The following ZFYVE16 variants were observed in gnomAD, a reference collection of about 807,000 sequenced individuals.
ZFYVE16 encodes the protein zinc finger FYVE-type containing 16.
A neutral mutation model predicts 138.1 loss-of-function variants in ZFYVE16; 89 were observed. The ratio of observed to expected loss-of-function variants is 0.64; its 90% CI spans 0.54 to 0.77. The LOEUF (loss-of-function observed/expected upper bound fraction) is 0.77, where lower values mean the gene tolerates loss of function less well. ZFYVE16 is among the 30% of genes least tolerant of loss of function. The probability of loss-of-function intolerance (pLI) is 0.00; values close to 1 mark genes in which losing one functional copy is unlikely to be tolerated. For missense variants in ZFYVE16, 1,793 were observed against 1,786.7 expected (o/e 1.00, Z -0.06); for synonymous variants, 596 against 618.3 (o/e 0.96, Z 0.53).
Position 80,428,630 on chromosome 5 carries a change from A to G in ZFYVE16, c.-40+1085A>G, listed in dbSNP as rs549943818. Among the ~76,000 whole-genome samples, 6 of 152,322 alleles carry G rather than the reference A, an allele frequency of 3.9e-5. No homozygotes were observed. In the South Asian group the frequency reaches 1.2e-3, roughly 32 times the overall value. On this transcript the variant is annotated intron_variant, in intron 2 of 18. Coordinates refer to ENST00000505560, the MANE Select transcript of ZFYVE16 (RefSeq NM_001284236.3). ...AGAATGACTTTGATGAGTTGAGAGA[A>G]GAAGGCTTCAGACGACCAAACTTCT... is the stretch of plus-strand genomic sequence containing the variant.
At chr5:80,428,680 C>T (rs1748516892) in intron 2 of ZFYVE16, among the ~76,000 whole-genome samples, 1 of 152,178 alleles carries the variant, frequency 6.6e-6, no homozygotes, top group Non-Finnish European at 1.5e-5. Context: ...GAAGTTCGAA[C>T]CCATCGCAAA....
intron 3 of ZFYVE16, 146 bp downstream of exon 3, chr5:80,434,363 G>A (rs1457670251): frequency 1.4e-6 from 1 of 725,088 alleles, no homozygotes; most frequent in African/African-American, 1.8e-5. Flanking sequence ...TTCATAATAA[G>A]ATGTTAGTTG....
intron 1 of ZFYVE16, among the ~76,000 whole-genome samples, chr5:80,412,565 A>G (rs1745608836): frequency 6.6e-6 from 1 of 152,094 alleles, no homozygotes; most frequent in Non-Finnish European, 1.5e-5. Context: ...TACAAATTAT[A>G]TTATCTTTTT....
intron 1 of ZFYVE16, chr5:80,410,461 A>C (rs912865456): frequency 6.6e-6 from 1 of 152,202 alleles, no homozygotes; most frequent in African/African-American, 2.4e-5. Context: ...TAATTTTCAT[A>C]ATCTTACTAG....
rs959502024 is a variant in ZFYVE16, at chr5:80,478,716, C to G, written c.*1339C>G. On this transcript the variant is annotated 3_prime_UTR_variant, in exon 19 of 19. Coordinates refer to ENST00000505560, the MANE Select transcript of ZFYVE16 (RefSeq NM_001284236.3). ...TGAAGATCAAGTCAAAGTTATAACT[C>G]AGGATCTGAGGTCTCAAGCTAGGAG... 2.6e-5 allele frequency: 4 copies of G among 152,018 alleles called. No homozygotes were observed. Among genetic ancestry groups the G allele is most frequent in the Admixed American group, 6.6e-5 (1 of 15,258 alleles). The allele number at this position is 152,018 out of a possible 1,614,324, so 9.4% of individuals were successfully genotyped here.
In ZFYVE16 at chr5:80,436,747, C is replaced by G. The variant is rs557081698; in HGVS notation, c.71-9C>G. The stretch of plus-strand genomic sequence containing the variant: ...AAGTCTCCCGAATAACACTGTTTCT[C>G]TATTTCAGATGAACAAGATTATCTC... On this transcript the variant is annotated splice_polypyrimidine_tract_variant and intron_variant, in intron 3 of 18. Coordinates refer to ENST00000505560, the MANE Select transcript of ZFYVE16 (RefSeq NM_001284236.3). The G allele has an allele frequency of 2.9e-5, 47 of 1,594,990 alleles. No homozygotes were observed. In the South Asian group the frequency reaches 4.7e-4, roughly 16 times the overall value.
chr5:80,447,528 G>A (rs2112437670), intron 7 of ZFYVE16, among the ~76,000 whole-genome samples: 1 of 152,202 alleles, frequency 6.6e-6, no homozygotes, highest in East Asian at 1.9e-4. Flanking sequence ...AAAAGAAAAA[G>A]GCTTTATTGA....
intron 1 of ZFYVE16, among the ~76,000 whole-genome samples, chr5:80,409,008 A>G (rs1405040197): frequency 1.3e-5 from 2 of 152,154 alleles, no homozygotes; most frequent in Non-Finnish European, 2.9e-5. Context: ...TCTCCTGGAT[A>G]TTAAACCGCA....
chr5:80,455,839 G>A, intron 12 of ZFYVE16, 65 bp downstream of exon 12: 1 of 1,321,866 alleles, frequency 7.6e-7, no homozygotes, highest in Non-Finnish European at 1.0e-6. Context: ...ATTTAGCAAA[G>A]TTTATACATT....
rs146651073 is a variant in ZFYVE16, at chr5:80,440,149, T to C, written c.2419+117T>C. The C allele has an allele frequency of 2.9e-6, 4 of 1,360,986 alleles. No homozygotes were observed. The African/African-American group carries it at 4.5e-5, about 15-fold the overall frequency. 84.3% of individuals were successfully genotyped at this position (1,360,986 alleles called of 1,614,324 possible). ...AAGGCAAGGACCTAGTGTTGAATTATCTGGCTTAGGTGGGACATCCCAAGG... is the reference window on the plus strand; with the variant it reads ...AAGGCAAGGACCTAGTGTTGAATTACCTGGCTTAGGTGGGACATCCCAAGG... On this transcript the variant is annotated intron_variant, in intron 5 of 18. Coordinates refer to ENST00000505560, the MANE Select transcript of ZFYVE16 (RefSeq NM_001284236.3).
chr5:80,445,454 G>A (rs761949941), intron 7 of ZFYVE16, 49 bp downstream of exon 7: 17 of 1,534,968 alleles, frequency 1.1e-5, no homozygotes, highest in East Asian at 2.3e-5. Context: ...ATTTTATTTC[G>A]TAGATAATTC....
intron 15 of ZFYVE16, among the ~76,000 whole-genome samples, chr5:80,467,638 TGAA>T (rs1753881258): frequency 1.3e-5 from 2 of 152,196 alleles, no homozygotes; most frequent in South Asian, 4.1e-4. Context: ...ACAAACTCTG[TGAA>T]GAAGACAAAA....
Position 80,437,543 on chromosome 5 carries a change from C to A in ZFYVE16, c.858C>A (p.Val286=). ...GLVKEEVDVA[V]ITAAECLKEE... ...TAAAAGAGGAAGTAGATGTGGCAGT[C>A]ATAACTGCCGCAGAATGTTTAAAAG... is the stretch of plus-strand genomic sequence containing the variant. Residue 286 remains valine (V), a synonymous_variant, in exon 4 of 19, where the codon GTC becomes GTA. Transcript: ENST00000505560. 6.2e-7 allele frequency: 1 copy of A among 1,613,970 alleles called. No individual in the cohort carries two copies. Among genetic ancestry groups the A allele is most frequent in the South Asian group, 1.1e-5 (1 of 91,032 alleles).
chr5:80,450,336 A>C (rs1751850232), intron 9 of ZFYVE16, 95 bp from the exon 10 acceptor site: 1 of 1,255,016 alleles, frequency 8.0e-7, no homozygotes, highest in Admixed American at 2.4e-5. Flanking sequence ...GAACACAAGG[A>C]ATTTGAAAAG....
Position 80,456,442 on chromosome 5 carries a change from A to G in ZFYVE16, c.3691-19A>G, listed in dbSNP as rs1011595621. 5.8e-6 allele frequency: 9 copies of G among 1,557,044 alleles called. No homozygotes were observed. In the East Asian group the frequency reaches 1.6e-4, roughly 27 times the overall value. On this transcript the variant is annotated intron_variant, in intron 12 of 18. Transcript: ENST00000505560. ...TACTCATGGTTAGTAGTTTATGGTA[A>G]TGCAATTATTCTATGTAGGACCTTC...
chr5:80,426,336 G>A (rs1748073892), intron 1 of ZFYVE16, among the ~76,000 whole-genome samples: 1 of 150,526 alleles, frequency 6.6e-6, no homozygotes, highest in Non-Finnish European at 1.5e-5. Flanking sequence ...GGATGTGCAG[G>A]TTTGTTACAT....
chr5:80,465,400 G>GTTTTGTTT (rs762431523), intron 15 of ZFYVE16, among the ~76,000 whole-genome samples: 12 of 26,776 alleles, frequency 4.5e-4, no homozygotes, highest in African/African-American at 1.1e-3. Flanking sequence ...CCTTTTCTTT[G>GTTTTGTTT]TTTTTTTTTT....
rs1755216001 is a variant in ZFYVE16 at position 80,480,265 on chromosome 5, G to A, written c.*2888G>A. Among the ~76,000 whole-genome samples, 1 of 152,138 alleles carries A rather than the reference G, an allele frequency of 6.6e-6. No homozygotes were observed. The highest frequency in any genetic ancestry group is 2.4e-5 in the African/African-American group (1 of 41,412). The stretch of plus-strand genomic sequence containing the variant: ...AAACTATACGATAAAAAGTTGTGGA[G>A]CTAATCTGGAAAAGAACTGAATATA... On this transcript the variant is annotated 3_prime_UTR_variant, in exon 19 of 19. Coordinates refer to ENST00000505560, the MANE Select transcript of ZFYVE16 (RefSeq NM_001284236.3).
intron 15 of ZFYVE16, among the ~76,000 whole-genome samples, chr5:80,466,081 C>T (rs537634438): frequency 8.6e-5 from 13 of 151,946 alleles, no homozygotes; most frequent in Middle Eastern, 6.8e-3. Context: ...CCCACCACCA[C>T]GCCCAGCTAA....
Sources: allele counts gnomAD v4.1 joint callset (sites outside exome capture counted in the v4.1 genomes callset), GRCh38; gene constraint gnomAD v4.1.1; transcripts MANE v1.5; gene names NCBI Gene and HGNC (gene_info 2026-07-23, HGNC 2026-07-21).